FAM228B: variants seen among roughly 807,000 people sequenced by gnomAD.
FAM228B encodes the protein protein FAM228B.
FAM228B carries 38 observed loss-of-function variants against 42.6 expected under a neutral mutation model. The ratio of observed to expected loss-of-function variants is 0.89; its 90% confidence interval spans 0.69 to 1.17. The LOEUF is 1.17. Ranked by LOEUF, FAM228B falls within the 50% of genes most tolerant of loss-of-function variation. The pLI, the probability that FAM228B is intolerant of heterozygous loss-of-function variation, is 0.00. For missense variants in FAM228B, 344 were observed against 367.3 expected (o/e 0.94, Z 0.52); for synonymous variants, 109 against 122.3 (o/e 0.89, Z 0.72).
chr2:24,142,109 C>A (rs1666766044), intron 5 of FAM228B, among the ~76,000 whole-genome samples: 1 of 152,300 alleles, frequency 6.6e-6, no homozygotes, highest in South Asian at 2.1e-4. Flanking sequence ...TCTTTATGGA[C>A]CTGGCACTTC....
At chr2:24,111,843 C>CTCTA (rs2150999875) in intron 3 of FAM228B, among the ~76,000 whole-genome samples, 1 of 151,290 alleles carries the variant, frequency 6.6e-6, no homozygotes, top group South Asian at 2.1e-4. Flanking sequence ...AGCTGAATTA[C>CTCTA]ATACAACTCC....
upstream of FAM228B, chr2:24,121,185 T>A (rs759568336): frequency 6.8e-6 from 11 of 1,614,012 alleles, no homozygotes; most frequent in Non-Finnish European, 9.3e-6. Context: ...AAGAGAATAT[T>A]CATCTGCCCG....
In FAM228B at chr2:24,151,613, A is replaced by ATTTTT. The variant is rs397726084; in HGVS notation, c.686+4539_686+4543dup. On this transcript the variant is annotated intron_variant, in intron 7 of 10. Transcript: ENST00000615575. ...GGCCTCATTATGAGATTTTTTGGTG[A>ATTTTT]TTTTTTTTTTTTTTTTAGCTCATTA... Among the ~76,000 whole-genome samples the ATTTTT allele has an allele frequency of 1.6e-3, 214 of 137,434 alleles. 1 individual carries two copies. The highest frequency in any genetic ancestry group is 5.4e-3 in the African/African-American group (200 of 36,946). 90.2% of individuals were successfully genotyped at this position (137,434 alleles called of 152,430 possible).
At chr2:24,082,649 G>A (rs1400566197) in intron 2 of FAM228B, among the ~76,000 whole-genome samples, 2 of 152,066 alleles carry the variant, frequency 1.3e-5, no homozygotes, top group Non-Finnish European at 2.9e-5. Flanking sequence ...ACTTCTGCTG[G>A]GCGTCCGGTG....
intron 2 of FAM228B, among the ~76,000 whole-genome samples, chr2:24,082,717 T>C (rs538650866): frequency 6.6e-6 from 1 of 152,190 alleles, no homozygotes; most frequent in African/African-American, 2.4e-5. Flanking sequence ...CTGCTAACCA[T>C]GATTCTCAGC....
At chr2:24,159,675 C>T (rs1287273997) in intron 7 of FAM228B, among the ~76,000 whole-genome samples, 5 of 152,186 alleles carry the variant, frequency 3.3e-5, no homozygotes, top group African/African-American at 9.7e-5. Context: ...ATATGCATCC[C>T]GTCCCTCTTT....
At chr2:24,140,894 G>A (rs1666726283) in intron 5 of FAM228B, among the ~76,000 whole-genome samples, 1 of 151,074 alleles carries the variant, frequency 6.6e-6, no homozygotes, top group Non-Finnish European at 1.5e-5. Context: ...CCCGGGAGGT[G>A]GAGGCAGCAG....
At chr2:24,160,592 T>A (rs879865126) in intron 7 of FAM228B, among the ~76,000 whole-genome samples, 7 of 152,092 alleles carry the variant, frequency 4.6e-5, no homozygotes, top group Non-Finnish European at 1.0e-4. Flanking sequence ...TTCTTAAATT[T>A]CCTTTTTTCC....
intron 7 of FAM228B, among the ~76,000 whole-genome samples, chr2:24,159,275 T>C (rs1573784689): frequency 6.6e-6 from 1 of 152,380 alleles, no homozygotes; most frequent in East Asian, 1.9e-4. Flanking sequence ...AACATTACAT[T>C]AATTCATTCC....
intron 3 of FAM228B, among the ~76,000 whole-genome samples, chr2:24,106,966 CA>C (rs1665711150): frequency 6.6e-6 from 1 of 152,120 alleles, no homozygotes; most frequent in African/African-American, 2.4e-5. Flanking sequence ...ATACCTCAAT[CA>C]AAAGGCACAG....
At chr2:24,113,440 T>C (rs1665832053) in intron 3 of FAM228B, among the ~76,000 whole-genome samples, 1 of 152,098 alleles carries the variant, frequency 6.6e-6, no homozygotes, top group Non-Finnish European at 1.5e-5. Context: ...GCACGTGGCA[T>C]GTGCCTATAA....
At chr2:24,119,419 G>A (rs1463742129), upstream of FAM228B, among the ~76,000 whole-genome samples, 1 of 152,178 alleles carries the variant, frequency 6.6e-6, no homozygotes, top group Admixed American at 6.5e-5. Flanking sequence ...TGGCTCAGCT[G>A]CACCCTGTCC....
intron 3 of FAM228B, among the ~76,000 whole-genome samples, chr2:24,099,801 C>CTG (rs1665570262): frequency 6.6e-6 from 1 of 152,050 alleles, no homozygotes; most frequent in Non-Finnish European, 1.5e-5. Context: ...AAAGAACCCC[C>CTG]CATTACCAAG....
At chr2:24,156,588 C>T (rs1241793912) in intron 7 of FAM228B, among the ~76,000 whole-genome samples, 1 of 152,106 alleles carries the variant, frequency 6.6e-6, no homozygotes, top group African/African-American at 2.4e-5. Context: ...GAGCCGAGAT[C>T]GGGCCATTGC....
intron 7 of FAM228B, among the ~76,000 whole-genome samples, chr2:24,157,100 C>A (rs1041881580): frequency 2.4e-4 from 36 of 152,296 alleles, no homozygotes; most frequent in African/African-American, 7.7e-4. Flanking sequence ...TACTCAGGAG[C>A]AGGCTATTTA....
intron 7 of FAM228B, among the ~76,000 whole-genome samples, chr2:24,157,737 C>A (rs1270044979): frequency 2.7e-5 from 4 of 145,694 alleles, no homozygotes; most frequent in African/African-American, 1.0e-4. Flanking sequence ...GACTCTGTCT[C>A]AAAAAAAAAA....
chr2:24,077,370 T>C lies in FAM228B; in HGVS notation c.-290+401T>C. 1 of 500,074 alleles carries C rather than the reference T, an allele frequency of 2.0e-6. No individual in the cohort carries two copies. The highest frequency in any genetic ancestry group is 3.5e-6 in the Non-Finnish European group (1 of 285,128). 31.0% of individuals were successfully genotyped at this position (500,074 alleles called of 1,614,324 possible). On this transcript the variant is annotated intron_variant, in intron 1 of 10. Coordinates refer to the FAM228B transcript ENST00000613899. The surrounding 1 kb of genome is among the most constrained non-coding windows in gnomAD (Gnocchi z 5.5). ...CTGATCGGGCCTCAGTAATCCCCGC[T>C]GCGACGCCCGTCCGGACTCCCACCT...
chr2:24,089,421 G>GAA (rs200229570), intron 2 of FAM228B, among the ~76,000 whole-genome samples: 1 of 150,450 alleles, frequency 6.6e-6, no homozygotes, highest in African/African-American at 2.4e-5. Context: ...GTAAAATCTA[G>GAA]AAAAAAAAAG....
At position 24,159,627 on chromosome 2, in the gene FAM228B, T is replaced by C. The variant is rs1201661226; in HGVS notation, c.687-1879T>C. Among the ~76,000 whole-genome samples the C allele has an allele frequency of 2.0e-5, 3 of 152,074 alleles. No homozygotes were observed. The East Asian group carries it at 5.8e-4, about 29-fold the overall frequency. Reference sequence around the variant, plus strand: ...GAGTTCGGTACAGTTCTGTAGCAGATATAGGTATGGGAGACAGCTACAAAG... The same window carrying C: ...GAGTTCGGTACAGTTCTGTAGCAGACATAGGTATGGGAGACAGCTACAAAG... On this transcript the variant is annotated intron_variant, in intron 7 of 10. Coordinates refer to ENST00000615575, the MANE Select transcript of FAM228B (RefSeq NM_001145710.2).
Sources: allele counts gnomAD v4.1 joint callset (sites outside exome capture counted in the v4.1 genomes callset), GRCh38; gene constraint gnomAD v4.1.1; non-coding constraint Gnocchi (gnomAD v3.1); transcripts MANE v1.5; gene names NCBI Gene and HGNC (gene_info 2026-07-23, HGNC 2026-07-21).